Variants in WDR1 observed in about 807,000 individuals in gnomAD.
WDR1 encodes WD repeat-containing protein 1.
In WDR1, 21 loss-of-function variants were observed where a neutral mutation model predicts 71.9. The ratio of observed to expected loss-of-function variants is 0.29; its 90% CI spans 0.21 to 0.42. The LOEUF (loss-of-function observed/expected upper bound fraction) is 0.42, where lower values mean the gene tolerates loss of function less well. Ranked by LOEUF, WDR1 falls within the 10% of genes least tolerant of loss-of-function variation. The pLI is 1.00. For synonymous variants in WDR1, 424 were observed against 347.4 expected (o/e 1.22, Z -2.45); for missense variants, 696 against 824.5 (o/e 0.84, Z 1.91).
At chr4:10,088,179 A>T in intron 7 of WDR1, 114 bp downstream of exon 7, 1 of 1,103,562 alleles carries the variant, frequency 9.1e-7, no homozygotes, top group Non-Finnish European at 1.3e-6. Flanking sequence ...AACCGCCCCG[A>T]CTTATAGCCC....
chr4:10,112,098 T>C, intron 2 of WDR1, among the ~76,000 whole-genome samples: 1 of 151,942 alleles, frequency 6.6e-6, no homozygotes, highest in East Asian at 1.9e-4. Context: ...CTACTGGCAC[T>C]ACTGGCATTT....
intron 2 of WDR1, among the ~76,000 whole-genome samples, chr4:10,112,825 C>T (rs1713465937): frequency 6.6e-6 from 1 of 152,214 alleles, no homozygotes; most frequent in Non-Finnish European, 1.5e-5. Context: ...GTGCCAGACA[C>T]TCTCTTAGGC....
intron 10 of WDR1, among the ~76,000 whole-genome samples, chr4:10,082,627 T>C (rs1765062960): frequency 6.6e-6 from 1 of 152,082 alleles, no homozygotes; most frequent in South Asian, 2.1e-4. Flanking sequence ...GGGAATGCTG[T>C]CTTGTACTCA....
intron 10 of WDR1, 64 bp downstream of exon 10, chr4:10,082,958 G>A (rs1009117944): frequency 6.5e-7 from 1 of 1,546,826 alleles, no homozygotes; most frequent in South Asian, 1.2e-5. Context: ...ACTGCTGGAG[G>A]GCACAAGCCC....
Position 10,087,721 on chromosome 4 carries a change from G to C in WDR1, c.937C>G (p.Leu313Val). Residue 313 changes from leucine to valine, a missense_variant, in exon 8 of 15, where the codon CTG (leucine) becomes GTG (valine). Coordinates refer to ENST00000499869, the MANE Select transcript of WDR1 (RefSeq NM_017491.5). ...GCAGGCCTTACCTTGATGACGTGCA[G>C]GGGCTTGCTGGGGTTGTTTCTGTCC... is the stretch of plus-strand genomic sequence containing the variant. Reference protein sequence around the residue: ...YLDRNNPSKPLHVIKGHSKSI... With the variant: ...YLDRNNPSKPVHVIKGHSKSI... 1 of 1,595,370 alleles carries C rather than the reference G, an allele frequency of 6.3e-7. No homozygotes were observed. Among genetic ancestry groups the C allele is most frequent in the Non-Finnish European group, 8.5e-7 (1 of 1,170,454 alleles).
intron 5 of WDR1, among the ~76,000 whole-genome samples, chr4:10,093,594 A>G (rs1176283204): frequency 6.6e-6 from 1 of 152,254 alleles, no homozygotes; most frequent in African/African-American, 2.4e-5. Context: ...CTGGAGAACA[A>G]GGACCATATG....
intron 2 of WDR1, among the ~76,000 whole-genome samples, chr4:10,106,837 G>A (rs1713050296): frequency 1.3e-5 from 2 of 152,228 alleles, no homozygotes; most frequent in South Asian, 4.1e-4. Context: ...CAGCTCCTCA[G>A]CTCGCAGAGG....
intron 4 of WDR1, 82 bp from the exon 5 acceptor site, chr4:10,097,973 A>G: frequency 1.4e-6 from 2 of 1,383,172 alleles, no homozygotes; most frequent in Non-Finnish European, 1.9e-6. Context: ...CTGATAGCTG[A>G]GCTGCCAGTG....
chr4:10,075,703 C>T, intron 14 of WDR1: 1 of 588,174 alleles, frequency 1.7e-6, no homozygotes, highest in Admixed American at 3.0e-5. Context: ...TTTTTGTGTG[C>T]TGCAGGGTAA....
intron 2 of WDR1, among the ~76,000 whole-genome samples, chr4:10,111,369 C>T (rs896008935): frequency 1.3e-5 from 2 of 152,196 alleles, no homozygotes; most frequent in Admixed American, 6.5e-5. Context: ...GCACCTGCAG[C>T]CACTCAGATT....
At chr4:10,099,211 C>T in intron 3 of WDR1, 72 bp from the exon 4 acceptor site, 1 of 1,334,586 alleles carries the variant, frequency 7.5e-7, no homozygotes, top group Admixed American at 2.0e-5. Flanking sequence ...AGCCACAGGT[C>T]ACTGCCGGGC....
chr4:10,082,933 T>C, intron 10 of WDR1, 89 bp downstream of exon 10: 2 of 1,473,086 alleles, frequency 1.4e-6, no homozygotes, highest in Non-Finnish European at 1.8e-6. Context: ...AAGTGAGGCG[T>C]CCTCCAGAAC....
At chr4:10,097,478 A>G (rs1446335615) in intron 5 of WDR1, among the ~76,000 whole-genome samples, 1 of 152,206 alleles carries the variant, frequency 6.6e-6, no homozygotes, top group Non-Finnish European at 1.5e-5. Flanking sequence ...ACATCATCCT[A>G]GGGCAGGGCC....
At chr4:10,092,691 G>A (rs1337423774) in intron 5 of WDR1, 1 of 270,344 alleles carries the variant, frequency 3.7e-6, no homozygotes, top group Admixed American at 4.6e-5. Flanking sequence ...AAAGAGAGAA[G>A]CCGCGAAAAG....
At chr4:10,081,320 T>C (rs1436494922) in intron 11 of WDR1, 37 bp downstream of exon 11, 4 of 1,601,596 alleles carry the variant, frequency 2.5e-6, no homozygotes, top group Admixed American at 1.7e-5. Context: ...ACCACACAGC[T>C]GCAGGCTCCC....
chr4:10,106,121 G>A (rs1252498710), intron 2 of WDR1, among the ~76,000 whole-genome samples: 3 of 151,620 alleles, frequency 2.0e-5, no homozygotes, highest in African/African-American at 4.9e-5. Flanking sequence ...GGTGGCGGGG[G>A]CGGGGGGCAC....
intron 7 of WDR1, 76 bp downstream of exon 7, chr4:10,088,217 G>T: frequency 7.3e-7 from 1 of 1,378,304 alleles, no homozygotes; most frequent in Non-Finnish European, 1.0e-6. Context: ...TCTAACTCCG[G>T]AGTGAGTGTG....
chr4:10,087,681 A>G (rs1217996339), intron 8 of WDR1, 26 bp downstream of exon 8: 2 of 1,552,528 alleles, frequency 1.3e-6, no homozygotes, highest in Non-Finnish European at 1.7e-6. Flanking sequence ...CCCAGCGGGC[A>G]GAGCCTTCCC....
In WDR1 at chr4:10,096,039, A is replaced by G. The variant is rs1712331320; in HGVS notation, c.558+1672T>C. On this transcript the variant is annotated intron_variant, in intron 5 of 14. Coordinates refer to ENST00000499869, the MANE Select transcript of WDR1 (RefSeq NM_017491.5). ...CTTTCTGAAGTTAGAAAGGACAACT[A>G]AAGAGAAAGAATGTTCTGGACAAGT... 2.0e-5 allele frequency: 3 copies of G among 152,342 alleles called. No homozygotes were observed. The South Asian group carries it at 6.2e-4, about 32-fold the overall frequency. The allele number at this position is 152,342 out of a possible 1,614,324, so 9.4% of individuals were successfully genotyped here.
Sources: allele counts gnomAD v4.1 joint callset (sites outside exome capture counted in the v4.1 genomes callset), GRCh38; gene constraint gnomAD v4.1.1; transcripts MANE v1.5; gene names NCBI Gene and HGNC (gene_info 2026-07-23, HGNC 2026-07-21).